Variants in FGGY observed in about 807,000 individuals in gnomAD.
FGGY encodes the protein FGGY carbohydrate kinase domain containing.
In FGGY, 72 loss-of-function variants were observed where a neutral mutation model predicts 71.3. The ratio of observed to expected loss-of-function variants is 1.01; its 90% CI spans 0.84 to 1.23. The LOEUF is 1.23. Among genes scored for constraint, FGGY ranks in the 50% most tolerant of loss-of-function variants. FGGY has a pLI of 0.00. For synonymous variants in FGGY, 251 were observed against 250.3 expected (o/e 1.00, Z -0.02); for missense variants, 668 against 682.3 (o/e 0.98, Z 0.23).
intron 8 of FGGY, among the ~76,000 whole-genome samples, chr1:59,568,791 G>A (rs1377183897): frequency 1.3e-5 from 2 of 152,098 alleles, no homozygotes; most frequent in African/African-American, 2.4e-5. Flanking sequence ...TAAACTCCTT[G>A]AGTAGTTGGG....
At chr1:59,759,639 A>G (rs1215798965) in intron 15 of FGGY, among the ~76,000 whole-genome samples, 1 of 152,214 alleles carries the variant, frequency 6.6e-6, no homozygotes, top group African/African-American at 2.4e-5. Context: ...CTTTAGCACC[A>G]TCTGCAGGCA....
intron 6 of FGGY, among the ~76,000 whole-genome samples, chr1:59,474,977 C>T (rs1456569036): frequency 6.6e-6 from 1 of 152,088 alleles, no homozygotes; most frequent in Non-Finnish European, 1.5e-5. Flanking sequence ...AGGTAAAGTT[C>T]CTAGCATACA....
chr1:59,737,598 C>T (rs1241427067), intron 14 of FGGY, among the ~76,000 whole-genome samples: 1 of 152,162 alleles, frequency 6.6e-6, no homozygotes, highest in African/African-American at 2.4e-5. Flanking sequence ...GCCTGTAGCC[C>T]CTTTGTTTTG....
chr1:59,596,149 C>T (rs1395953734), intron 8 of FGGY, among the ~76,000 whole-genome samples: 3 of 151,906 alleles, frequency 2.0e-5, no homozygotes, highest in African/African-American at 7.3e-5. Flanking sequence ...AACCATTTCT[C>T]TTTTATAGAA....
At chr1:59,672,064 A>G (rs762394055) in intron 13 of FGGY, among the ~76,000 whole-genome samples, 8 of 152,206 alleles carry the variant, frequency 5.3e-5, no homozygotes, top group Non-Finnish European at 1.2e-4. Flanking sequence ...TCCCAGGTCC[A>G]TAGAGAAGGC....
rs2097431451 is a variant in FGGY at position 59,675,962 on chromosome 1, C to T, written c.1512+1829C>T. On this transcript the variant is annotated intron_variant, in intron 14 of 15. Coordinates refer to ENST00000303721, the MANE Select transcript of FGGY (RefSeq NM_018291.5). Reference sequence around the variant, plus strand: ...CTGATGGGCCCTTATACAAAGACACCAGAGAGCTGGCTTGTTCTCTCTGCC... The same window carrying T: ...CTGATGGGCCCTTATACAAAGACACTAGAGAGCTGGCTTGTTCTCTCTGCC... 2.0e-5 allele frequency among the ~76,000 whole-genome samples: 3 copies of T among 151,984 alleles called. No individual in the cohort carries two copies. The South Asian group carries it at 6.2e-4, about 32-fold the overall frequency.
intron 8 of FGGY, among the ~76,000 whole-genome samples, chr1:59,572,102 T>A (rs958783281): frequency 6.6e-6 from 1 of 152,174 alleles, no homozygotes; most frequent in Non-Finnish European, 1.5e-5. Context: ...TTTTTAATGT[T>A]CACATAAGTT....
intron 1 of FGGY, among the ~76,000 whole-genome samples, chr1:59,317,016 C>T (rs936957321): frequency 2.6e-5 from 4 of 152,318 alleles, no homozygotes; most frequent in Non-Finnish European, 5.9e-5. Context: ...TAGCCTCAAA[C>T]CCCAGCCCCT....
chr1:59,352,300 A>C (rs906853038), intron 4 of FGGY, among the ~76,000 whole-genome samples: 3 of 152,176 alleles, frequency 2.0e-5, no homozygotes, highest in African/African-American at 7.2e-5. Context: ...TGTTAATGGG[A>C]GGTAATTAAC....
chr1:59,408,614 A>G (rs1198769120), intron 5 of FGGY, among the ~76,000 whole-genome samples: 1 of 152,208 alleles, frequency 6.6e-6, no homozygotes, highest in Non-Finnish European at 1.5e-5. Flanking sequence ...AGGCACATGT[A>G]TAACTCTTTA....
chr1:59,541,248 A>G (rs2095435619), intron 7 of FGGY, among the ~76,000 whole-genome samples: 1 of 152,198 alleles, frequency 6.6e-6, no homozygotes, highest in African/African-American at 2.4e-5. Flanking sequence ...GCCTTGGGCC[A>G]CACAGCCCCA....
intron 5 of FGGY, among the ~76,000 whole-genome samples, chr1:59,424,921 CAG>C (rs1308347922): frequency 6.6e-6 from 1 of 152,190 alleles, no homozygotes; most frequent in East Asian, 1.9e-4. Flanking sequence ...CTTTACTCTT[CAG>C]AGAGTCACAG....
Position 59,371,795 on chromosome 1 carries a change from C to T in FGGY, c.466-6954C>T, listed in dbSNP as rs373149466. On this transcript the variant is annotated intron_variant, in intron 4 of 15. Coordinates refer to ENST00000303721, the MANE Select transcript of FGGY (RefSeq NM_018291.5). ...AACTACATGGAAACTGAACAACCTG[C>T]TCCTGAATGACTACTGGGTACATAA... Among the ~76,000 whole-genome samples, 59 of 152,260 alleles carry T rather than the reference C, an allele frequency of 3.9e-4. 1 individual carries two copies. In the East Asian group the frequency reaches 5.8e-3, roughly 15 times the overall value.
intron 4 of FGGY, among the ~76,000 whole-genome samples, chr1:59,374,436 A>G (rs1571227209): frequency 6.6e-6 from 1 of 152,214 alleles, no homozygotes; most frequent in East Asian, 1.9e-4. Flanking sequence ...AGAAATAGGA[A>G]CACTTTTACA....
intron 5 of FGGY, among the ~76,000 whole-genome samples, chr1:59,410,013 T>C (rs373606929): frequency 2.6e-5 from 4 of 152,240 alleles, no homozygotes; most frequent in African/African-American, 9.6e-5. Context: ...TGAGCCCAGG[T>C]CTGATTCCAG....
At chr1:59,492,156 C>G (rs923755929) in intron 6 of FGGY, among the ~76,000 whole-genome samples, 12 of 152,168 alleles carry the variant, frequency 7.9e-5, no homozygotes, top group African/African-American at 2.9e-4. Context: ...TGGTACCCCA[C>G]TATAATGCGT....
intron 5 of FGGY, among the ~76,000 whole-genome samples, chr1:59,421,479 C>G (rs369980430): frequency 0.021 from 2,202 of 104,668 alleles, 60 homozygotes; most frequent in African/African-American, 0.057. Context: ...CCATCTCTCC[C>G]TCTCCCCCTC....
intron 10 of FGGY, among the ~76,000 whole-genome samples, chr1:59,632,971 C>A (rs115724929): frequency 2.2e-4 from 33 of 150,810 alleles, no homozygotes; most frequent in Non-Finnish European, 8.9e-5. Context: ...AGATTTCTTA[C>A]AGAAATTAGC....
rs115508787 is a variant in FGGY, at chr1:59,630,451, A to G, written c.1073+4402A>G. Among the ~76,000 whole-genome samples, 1,144 of 152,236 alleles carry G rather than the reference A, an allele frequency of 7.5e-3. 18 individuals are homozygous for G. Among genetic ancestry groups the G allele is most frequent in the African/African-American group, 0.026 (1,091 of 41,520 alleles). ...CAGGGACTGTGAATTAGAGTCCTTGAGTTCTTGTACCTGTTCTGCCCTGAA... is the reference window on the plus strand; with the variant it reads ...CAGGGACTGTGAATTAGAGTCCTTGGGTTCTTGTACCTGTTCTGCCCTGAA... On this transcript the variant is annotated intron_variant, in intron 10 of 15. Coordinates refer to ENST00000303721, the MANE Select transcript of FGGY (RefSeq NM_018291.5).
Sources: gnomAD v4.1 joint callset for allele counts (sites outside exome capture counted in the v4.1 genomes callset) on GRCh38, gnomAD v4.1.1 for gene constraint, MANE v1.5 for transcripts, NCBI Gene and HGNC (gene_info 2026-07-23, HGNC 2026-07-21) for gene names.